Variants in CRTC1 observed in about 807,000 individuals in gnomAD.
The protein encoded by CRTC1 is CREB regulated transcription coactivator 1.
In CRTC1, 18 loss-of-function variants were observed where a neutral mutation model predicts 66.1. The ratio of observed to expected loss-of-function variants is 0.27; its 90% CI spans 0.19 to 0.40. The LOEUF (loss-of-function observed/expected upper bound fraction) is 0.40, where lower values mean the gene tolerates loss of function less well. Ranked by LOEUF, CRTC1 falls within the 10% of genes least tolerant of loss-of-function variation. The pLI is 1.00. For synonymous variants in CRTC1, 416 were observed against 398.8 expected (o/e 1.04, Z -0.51); for missense variants, 669 against 887.9 (o/e 0.75, Z 3.13).
At chr19:18,761,616 G>A (rs2054616229) in intron 8 of CRTC1, among the ~76,000 whole-genome samples, 1 of 152,228 alleles carries the variant, frequency 6.6e-6, no homozygotes, top group Admixed American at 6.5e-5. Context: ...GGAGCTTTTG[G>A]GAGGGGCGGC....
intron 1 of CRTC1, among the ~76,000 whole-genome samples, chr19:18,720,212 G>A (rs2053592943): frequency 6.6e-6 from 1 of 152,158 alleles, no homozygotes; most frequent in Admixed American, 6.5e-5. Flanking sequence ...CTCCCAGGCT[G>A]AAGTGTAGTG....
At position 18,779,754 on chromosome 19, in the gene CRTC1, T is replaced by C. The variant is rs1220727353; in HGVS notation, c.*2372T>C. On this transcript the variant is annotated 3_prime_UTR_variant, in exon 14 of 14. Coordinates refer to ENST00000321949, the MANE Select transcript of CRTC1 (RefSeq NM_015321.3). Reference sequence around the variant, plus strand: ...CCATTTTCAGCATCCTGAAGCCAGATTCACAGTGACATTGTGTTAACGTGA... The same window carrying C: ...CCATTTTCAGCATCCTGAAGCCAGACTCACAGTGACATTGTGTTAACGTGA... 1.3e-5 allele frequency: 3 copies of C among 223,754 alleles called. No homozygotes were observed. The highest frequency in any genetic ancestry group is 1.1e-4 in the Admixed American group (2 of 17,472). 13.9% of individuals were successfully genotyped at this position (223,754 alleles called of 1,614,324 possible).
rs567757438 is a variant in CRTC1 at position 18,760,550 on chromosome 19, C to T, written c.886+322C>T. On this transcript the variant is annotated intron_variant, in intron 8 of 13. Coordinates refer to ENST00000321949, the MANE Select transcript of CRTC1 (RefSeq NM_015321.3). This position sits in a 1 kb window ranked among gnomAD's most constrained non-coding sequence, Gnocchi z 6.2. Reference sequence around the variant, plus strand: ...GGGGTGGGCCAGGCCTTCCCTCCGCCCCTCCTCGACCCCAGCCCCTCATTG... The same window carrying T: ...GGGGTGGGCCAGGCCTTCCCTCCGCTCCTCCTCGACCCCAGCCCCTCATTG... Among the ~76,000 whole-genome samples the T allele has an allele frequency of 6.6e-6, 1 of 152,108 alleles. No individual in the cohort carries two copies. Among genetic ancestry groups the T allele is most frequent in the South Asian group, 2.1e-4 (1 of 4,822 alleles).
In CRTC1 at chr19:18,703,143, C is replaced by T. The variant is rs1391944399; in HGVS notation, c.126+19315C>T. On this transcript the variant is annotated intron_variant, in intron 1 of 13. Transcript: ENST00000321949. ...GACTACAGGCGCCTGCCACCACGCC[C>T]GGCTAATTTTTTTGTGTGTATTTTT... Among the ~76,000 whole-genome samples, 9 of 152,104 alleles carry T rather than the reference C, an allele frequency of 5.9e-5. No individual in the cohort carries two copies. The South Asian group carries it at 6.2e-4, about 11-fold the overall frequency.
At chr19:18,743,181 A>G (rs934993402) in intron 2 of CRTC1, among the ~76,000 whole-genome samples, 155 bp downstream of exon 2, 3 of 152,248 alleles carry the variant, frequency 2.0e-5, no homozygotes, top group African/African-American at 7.2e-5. Flanking sequence ...AACCAGAGGA[A>G]GCAGAGTGGC....
chr19:18,749,701 G>A (rs1345824043), intron 4 of CRTC1, 80 bp from the exon 5 acceptor site: 2 of 1,170,532 alleles, frequency 1.7e-6, no homozygotes, highest in Non-Finnish European at 2.6e-6. Flanking sequence ...TGTCCATCCA[G>A]CGTGTCCCAG....
chr19:18,692,096 TCCAC>T (rs1157398619), intron 1 of CRTC1, among the ~76,000 whole-genome samples: 1 of 151,852 alleles, frequency 6.6e-6, no homozygotes, highest in African/African-American at 2.4e-5. Context: ...GTCCTGATCC[TCCAC>T]CCCAGGCCCT....
intron 10 of CRTC1, among the ~76,000 whole-genome samples, chr19:18,770,790 A>G (rs2054845301): frequency 6.9e-6 from 1 of 145,384 alleles, no homozygotes; most frequent in Admixed American, 6.8e-5. Context: ...GTGTGTGAAT[A>G]TATGTGTGTG....
In CRTC1 at chr19:18,764,922, T is replaced by G. The variant is rs141898467; in HGVS notation, c.887-482T>G. On this transcript the variant is annotated intron_variant, in intron 8 of 13. Coordinates refer to ENST00000321949, the MANE Select transcript of CRTC1 (RefSeq NM_015321.3). ...TGAAGCTAACCACAACCCAAGCCAT[T>G]TTCAGCCAAAAAAAACCATTTATTG... is the stretch of plus-strand genomic sequence containing the variant. Among the ~76,000 whole-genome samples the G allele has an allele frequency of 6.6e-5, 10 of 152,228 alleles. No homozygotes were observed. The East Asian group carries it at 1.9e-3, about 29-fold the overall frequency.
intron 1 of CRTC1, among the ~76,000 whole-genome samples, chr19:18,700,521 GAAAAT>G (rs1469631677): frequency 6.6e-6 from 1 of 151,788 alleles, no homozygotes; most frequent in Non-Finnish European, 1.5e-5. Flanking sequence ...TAAAAAAAAT[GAAAAT>G]AAAGAAATCA....
At chr19:18,773,933 A>C (rs574660158) in intron 11 of CRTC1, among the ~76,000 whole-genome samples, 6 of 152,278 alleles carry the variant, frequency 3.9e-5, no homozygotes, top group African/African-American at 1.4e-4. Context: ...TCTCTAGAAC[A>C]AAGCTCAGAT....
chr19:18,703,075 T>C (rs1344270501), intron 1 of CRTC1, among the ~76,000 whole-genome samples: 1 of 150,970 alleles, frequency 6.6e-6, no homozygotes, highest in Non-Finnish European at 1.5e-5. Flanking sequence ...CTCCACCTCC[T>C]GGGTTCACGC....
At position 18,771,219 on chromosome 19, in the gene CRTC1, C is replaced by T. The variant is rs1039833859; in HGVS notation, c.1321-223C>T. 4.9e-5 allele frequency among the ~76,000 whole-genome samples: 7 copies of T among 142,976 alleles called. No individual in the cohort carries two copies. The highest frequency in any genetic ancestry group is 7.6e-5 in the Non-Finnish European group (5 of 65,720). 93.8% of individuals were successfully genotyped at this position (142,976 alleles called of 152,430 possible). ...GAGGGCAGTTATTCACCCTCCACGC[C>T]GTTCCTTCCTGGGTTCGGGGGCAGC... is the stretch of plus-strand genomic sequence containing the variant. On this transcript the variant is annotated intron_variant, in intron 10 of 13. Transcript: ENST00000321949. The surrounding 1 kb of genome is among the most constrained non-coding windows in gnomAD (Gnocchi z 4.6).
intron 1 of CRTC1, among the ~76,000 whole-genome samples, chr19:18,700,710 GGGA>G (rs1343691083): frequency 1.3e-5 from 2 of 152,182 alleles, no homozygotes; most frequent in Non-Finnish European, 2.9e-5. Context: ...CAGGGCGCCT[GGGA>G]CTGGCTCTGT....
At chr19:18,712,071 G>C (rs1158139433) in intron 1 of CRTC1, among the ~76,000 whole-genome samples, 2 of 152,074 alleles carry the variant, frequency 1.3e-5, no homozygotes, top group East Asian at 3.9e-4. Flanking sequence ...CTCCCAAGTA[G>C]CTGGGATTAC....
chr19:18,722,461 G>T (rs1181418773), intron 1 of CRTC1, among the ~76,000 whole-genome samples: 1 of 152,186 alleles, frequency 6.6e-6, no homozygotes, highest in East Asian at 1.9e-4. Context: ...CTTGGATTTA[G>T]GATTGGCCCC....
At chr19:18,691,420 G>A (rs537166254) in intron 1 of CRTC1, among the ~76,000 whole-genome samples, 33 of 151,718 alleles carry the variant, frequency 2.2e-4, no homozygotes, top group African/African-American at 8.0e-4. Context: ...CACTTGGGAG[G>A]GTGAAGTGGG....
At chr19:18,775,008 C>T in intron 12 of CRTC1, 22 bp downstream of exon 12, 4 of 1,598,814 alleles carry the variant, frequency 2.5e-6, no homozygotes, top group Non-Finnish European at 3.4e-6. Flanking sequence ...CCCAGGCTGC[C>T]AGCCGGCCGG....
Position 18,683,811 on chromosome 19 carries a change from C to G in CRTC1, c.109C>G (p.Leu37Val). The G allele has an allele frequency of 6.0e-6, 8 of 1,322,348 alleles. No homozygotes were observed. The highest frequency in any genetic ancestry group is 6.0e-6 in the Non-Finnish European group (6 of 1,007,606). The allele number at this position is 1,322,348 out of a possible 1,614,324, so 81.9% of individuals were successfully genotyped here. A position where few individuals can be genotyped will look rare whatever the true frequency, so the allele number is the denominator to read the frequency against. ...CGAGGAGGTCATGAAGGACCTGAGC[C>G]TGACGCGGGCCGCGCGGGTAAGGGG... The part of the protein sequence containing the change: ...AFEEVMKDLS[L>V]TRAARLQLQK... The change falls in exon 1 of 14, where the codon CTG (leucine) becomes GTG (valine). Residue 37 changes from leucine (L) to valine (V), a missense_variant. Around this residue, in one of 8 missense-constraint regions of CRTC1, gnomAD observed 5 missense variants for 39.0 expected, o/e 0.13. Coordinates refer to ENST00000321949, the MANE Select transcript of CRTC1 (RefSeq NM_015321.3).
Sources: allele counts gnomAD v4.1 joint callset (sites outside exome capture counted in the v4.1 genomes callset), GRCh38; gene constraint gnomAD v4.1.1; regional missense constraint gnomAD v4.1.1; non-coding constraint Gnocchi (gnomAD v3.1); transcripts MANE v1.5; gene names NCBI Gene and HGNC (gene_info 2026-07-23, HGNC 2026-07-21).